The following FAM163A variants were observed in gnomAD, a reference collection of about 807,000 sequenced individuals.
FAM163A encodes the protein protein FAM163A.
A neutral mutation model predicts 12.0 loss-of-function variants in FAM163A; 7 were observed. That is an observed-to-expected ratio of 0.58 (90% CI 0.33 to 1.10). FAM163A has a LOEUF of 1.10. Ranked by LOEUF, FAM163A falls within the 50% of genes least tolerant of loss-of-function variation. FAM163A has a pLI of 0.03. For missense variants in FAM163A, 202 were observed against 218.6 expected (o/e 0.92, Z 0.48); for synonymous variants, 101 against 91.0 (o/e 1.11, Z -0.62).
chr1:179,779,380 T>C (rs1689419818), intron 1 of FAM163A, among the ~76,000 whole-genome samples: 1 of 152,166 alleles, frequency 6.6e-6, no homozygotes, highest in South Asian at 2.1e-4. Flanking sequence ...GCCTTCAGTT[T>C]GTGGTTAAAG....
chr1:179,730,520 T>A, the FAM163A span: 1 of 152,186 alleles, frequency 6.6e-6, no homozygotes, highest in Non-Finnish European at 1.5e-5. Context: ...CTGCATTTGA[T>A]ATAAAGTAGA....
chr1:179,780,173 G>A (rs1439414007), intron 1 of FAM163A, among the ~76,000 whole-genome samples: 1 of 152,180 alleles, frequency 6.6e-6, no homozygotes, highest in African/African-American at 2.4e-5. Context: ...ACAGGACTAT[G>A]CAAATGTATA....
the FAM163A span, among the ~76,000 whole-genome samples, chr1:179,731,645 C>T: frequency 5.9e-5 from 9 of 152,108 alleles, no homozygotes; most frequent in East Asian, 3.9e-4. Context: ...GGACTGAGGC[C>T]GTCCCAGCAA....
At chr1:179,792,324 T>TG (rs1691628428) in intron 1 of FAM163A, among the ~76,000 whole-genome samples, 1 of 144,614 alleles carries the variant, frequency 6.9e-6, no homozygotes, top group African/African-American at 2.5e-5. Flanking sequence ...TGTGTGTGTG[T>TG]GTGGAGATTG....
intron 1 of FAM163A, among the ~76,000 whole-genome samples, chr1:179,787,771 A>AG (rs1462991132): frequency 6.6e-5 from 10 of 152,222 alleles, no homozygotes; most frequent in African/African-American, 2.4e-4. Context: ...AGCTCAGTGA[A>AG]GAACCCACTG....
intron 1 of FAM163A, among the ~76,000 whole-genome samples, chr1:179,787,940 C>T (rs551435152): frequency 3.3e-5 from 5 of 152,312 alleles, no homozygotes; most frequent in Admixed American, 6.5e-5. Flanking sequence ...CGTTACAAAG[C>T]GACCTGGATG....
At chr1:179,738,169 G>T in the FAM163A span, among the ~76,000 whole-genome samples, 2 of 152,130 alleles carry the variant, frequency 1.3e-5, no homozygotes, top group African/African-American at 4.8e-5. Context: ...TAAGTAGAAG[G>T]CATAAATTCT....
intron 1 of FAM163A, 87 bp from the exon 2 acceptor site, chr1:179,807,711 G>A (rs981129353): frequency 6.6e-6 from 1 of 152,356 alleles, no homozygotes; most frequent in Admixed American, 6.5e-5. Context: ...CTAGAAGCTG[G>A]GGTCACAACT....
intron 1 of FAM163A, among the ~76,000 whole-genome samples, chr1:179,775,583 T>C (rs1387246348): frequency 6.6e-6 from 1 of 152,206 alleles, no homozygotes; most frequent in Non-Finnish European, 1.5e-5. Context: ...ACACTTATAA[T>C]TGTGGCTAGT....
At chr1:179,769,991 C>T (rs1193694734) in intron 1 of FAM163A, among the ~76,000 whole-genome samples, 4 of 149,460 alleles carry the variant, frequency 2.7e-5, no homozygotes, top group East Asian at 2.0e-4. Context: ...CTGCAAGCTC[C>T]GCCTCCCAGG....
At chr1:179,748,909 G>C (rs1215153502) in intron 1 of FAM163A, among the ~76,000 whole-genome samples, 1 of 152,160 alleles carries the variant, frequency 6.6e-6, no homozygotes, top group Non-Finnish European at 1.5e-5. Flanking sequence ...CATAATACGT[G>C]TCATTTTTAA....
At chr1:179,807,603 T>C (rs1694128081) in intron 1 of FAM163A, among the ~76,000 whole-genome samples, 195 bp from the exon 2 acceptor site, 1 of 152,198 alleles carries the variant, frequency 6.6e-6, no homozygotes, top group African/African-American at 2.4e-5. Context: ...AGGTGTAACC[T>C]TACAGGTCTG....
upstream of FAM163A, among the ~76,000 whole-genome samples, chr1:179,740,169 G>T (rs1004993506): frequency 8.7e-6 from 1 of 115,030 alleles, no homozygotes; most frequent in Admixed American, 9.4e-5. Flanking sequence ...ACTTTATTTG[G>T]TTTTTGTTGT....
the FAM163A span, among the ~76,000 whole-genome samples, chr1:179,730,998 T>C: frequency 1.3e-5 from 2 of 151,966 alleles, no homozygotes; most frequent in African/African-American, 4.8e-5. Context: ...GGTACTTACT[T>C]TGGAATTTTT....
At chr1:179,780,404 T>C (rs1689550238) in intron 1 of FAM163A, among the ~76,000 whole-genome samples, 1 of 152,228 alleles carries the variant, frequency 6.6e-6, no homozygotes, top group South Asian at 2.1e-4. Flanking sequence ...CCAGTGACCA[T>C]CATCAAGACA....
intron 1 of FAM163A, among the ~76,000 whole-genome samples, chr1:179,758,165 T>G (rs1686291794): frequency 7.0e-6 from 1 of 143,540 alleles, no homozygotes. Flanking sequence ...CTAGGCAGAA[T>G]CGGGTGGTGA....
chr1:179,807,549 A>G (rs888541232), intron 1 of FAM163A, among the ~76,000 whole-genome samples: 7 of 152,248 alleles, frequency 4.6e-5, no homozygotes, highest in Admixed American at 3.3e-4. Context: ...CCCTGGGCAC[A>G]GGCTTCCAGC....
Position 179,813,726 on chromosome 1 carries a change from T to C in FAM163A, c.94-53T>C, listed in dbSNP as rs147916028. 7.8e-3 allele frequency: 12,524 copies of C among 1,601,592 alleles called. 76 individuals are homozygous for C. Among genetic ancestry groups the C allele is most frequent in the Middle Eastern group, 0.019 (115 of 5,930 alleles). On this transcript the variant is annotated intron_variant, in intron 4 of 4. Transcript: ENST00000341785. ...GCACCTGTGCACGCTCAAAAATGCA[T>C]GGGGCGGGGGGAGCATTCACCCTCT...
intron 1 of FAM163A, among the ~76,000 whole-genome samples, chr1:179,756,952 G>A (rs75081383): frequency 0.026 from 3,907 of 152,278 alleles, 160 homozygotes; most frequent in African/African-American, 0.088. Flanking sequence ...AGTAGGAGTT[G>A]GAGGCCAGAT....
Sources: allele counts gnomAD v4.1 joint callset (sites outside exome capture counted in the v4.1 genomes callset), GRCh38; gene constraint gnomAD v4.1.1; transcripts MANE v1.5; gene names NCBI Gene and HGNC (gene_info 2026-07-23, HGNC 2026-07-21).